HHIP: variants seen among roughly 807,000 people sequenced by gnomAD.
HHIP encodes hedgehog interacting protein, also known as hedgehog-interacting protein.
Under a neutral mutation model 74.0 loss-of-function variants are expected in HHIP, and 12 were observed. That is an observed-to-expected ratio of 0.16 (90% CI 0.10 to 0.26). The LOEUF is 0.26. HHIP is among the 10% of genes least tolerant of loss of function. The probability of loss-of-function intolerance (pLI) is 1.00; values close to 1 mark genes in which losing one functional copy is unlikely to be tolerated. For missense variants in HHIP, 788 were observed against 845.0 expected (o/e 0.93, Z 0.84); for synonymous variants, 309 against 311.6 (o/e 0.99, Z 0.09).
At chr4:144,730,744 G>C (rs551311143) in intron 11 of HHIP, among the ~76,000 whole-genome samples, 7 of 152,100 alleles carry the variant, frequency 4.6e-5, no homozygotes, top group African/African-American at 1.7e-4. Context: ...AAAGTTTAAA[G>C]GTACTGTTTA....
At chr4:144,732,669 G>A (rs768823491) in intron 11 of HHIP, among the ~76,000 whole-genome samples, 16 of 152,118 alleles carry the variant, frequency 1.1e-4, no homozygotes, top group Admixed American at 1.0e-3. Flanking sequence ...GTTTAACAAA[G>A]TTCATCTATA....
At position 144,741,737 on chromosome 4, in the gene HHIP, C is replaced by T. The variant is rs1731268011; in HGVS notation, c.*3780C>T. On this transcript the variant is annotated 3_prime_UTR_variant, in exon 13 of 13. Transcript: ENST00000296575. ...TGAGTTACAAACTATACAAGCTTAC[C>T]AGGTATAAGGTTAGATGCTACATCT... The T allele has an allele frequency of 6.6e-6, 1 of 151,972 alleles. No homozygotes were observed. The highest frequency in any genetic ancestry group is 6.6e-5 in the Admixed American group (1 of 15,230). The allele number at this position is 151,972 out of a possible 1,614,324, so 9.4% of individuals were successfully genotyped here. A position where few individuals can be genotyped will look rare whatever the true frequency, so the allele number is the denominator to read the frequency against.
rs768412482 is a variant in HHIP, at chr4:144,743,696, T to C, written c.*5739T>C. ...GAGTTATCTCAATTGACTATAATCT[T>C]CTAAGTCAAAAAGAAAACATTTAAG... On this transcript the variant is annotated 3_prime_UTR_variant, in exon 13 of 13. Transcript: ENST00000296575. The C allele has an allele frequency of 1.7e-4, 26 of 152,058 alleles. No individual in the cohort carries two copies. Among genetic ancestry groups the C allele is most frequent in the Admixed American group, 2.6e-4 (4 of 15,264 alleles). The allele number at this position is 152,058 out of a possible 1,614,324, so 9.4% of individuals were successfully genotyped here. A position where few individuals can be genotyped will look rare whatever the true frequency, so the allele number is the denominator to read the frequency against.
At chr4:144,709,361 A>G (rs1044603035) in intron 7 of HHIP, among the ~76,000 whole-genome samples, 3 of 152,110 alleles carry the variant, frequency 2.0e-5, no homozygotes, top group African/African-American at 2.4e-5. Flanking sequence ...CACAGATACC[A>G]CCACAAAGCA....
At chr4:144,713,771 T>C (rs976094776) in intron 8 of HHIP, among the ~76,000 whole-genome samples, 9 of 152,222 alleles carry the variant, frequency 5.9e-5, no homozygotes, top group African/African-American at 1.9e-4. Flanking sequence ...ACTATGTTTT[T>C]ATTTTCATTA....
In HHIP at chr4:144,657,685, AT is replaced by A. The variant is rs1202727378; in HGVS notation, c.473-1104del. 2.0e-5 allele frequency among the ~76,000 whole-genome samples: 3 copies of A among 152,316 alleles called. No individual in the cohort carries two copies. In the East Asian group the frequency reaches 5.8e-4, roughly 29 times the overall value. On this transcript the variant is annotated intron_variant, in intron 2 of 12. Coordinates refer to ENST00000296575, the MANE Select transcript of HHIP (RefSeq NM_022475.3). ...AAGATAGCTGTCTTTATATGATAAA[AT>A]ATTTAATGTGTAAGAAAAGAAAACA...
At chr4:144,705,344 T>C (rs1730104517) in intron 4 of HHIP, among the ~76,000 whole-genome samples, 1 of 152,230 alleles carries the variant, frequency 6.6e-6, no homozygotes, top group Admixed American at 6.5e-5. Flanking sequence ...TGACTGAACA[T>C]GACCTTGTGA....
At chr4:144,682,075 A>T (rs1729363137) in intron 4 of HHIP, among the ~76,000 whole-genome samples, 1 of 152,146 alleles carries the variant, frequency 6.6e-6, no homozygotes, top group African/African-American at 2.4e-5. Context: ...AACAAGCCTA[A>T]TGTTTTGCTG....
chr4:144,738,046 C>T lies in HHIP; in HGVS notation c.*89C>T, dbSNP rs62344037. On this transcript the variant is annotated 3_prime_UTR_variant, in exon 13 of 13. Coordinates refer to ENST00000296575, the MANE Select transcript of HHIP (RefSeq NM_022475.3). ...AAAAAGACTGTTATCCTGCTACACA[C>T]TCCTGTGATTTCATTCTCTTTTATT... 143,539 of 1,420,492 alleles carry T rather than the reference C, an allele frequency of 0.1. 8,312 individuals are homozygous for T. The highest frequency in any genetic ancestry group is 0.12 in the Non-Finnish European group (130,096 of 1,088,044). 88.0% of individuals were successfully genotyped at this position (1,420,492 alleles called of 1,614,324 possible).
At chr4:144,692,355 C>A (rs1729697911) in intron 4 of HHIP, among the ~76,000 whole-genome samples, 1 of 152,140 alleles carries the variant, frequency 6.6e-6, no homozygotes, top group Admixed American at 6.6e-5. Flanking sequence ...TCTCCACAAC[C>A]AGCAAGAATA....
intron 1 of HHIP, among the ~76,000 whole-genome samples, chr4:144,647,900 A>G (rs1728310554): frequency 6.6e-6 from 1 of 152,136 alleles, no homozygotes; most frequent in Non-Finnish European, 1.5e-5. Context: ...GGTTTAATTA[A>G]GAATTCCTCT....
chr4:144,721,273 C>T (rs1730625310), intron 11 of HHIP, among the ~76,000 whole-genome samples: 1 of 151,852 alleles, frequency 6.6e-6, no homozygotes, highest in African/African-American at 2.4e-5. Context: ...TCCTATTTTT[C>T]CCTACATGTG....
chr4:144,685,686 A>G (rs1020193400), intron 4 of HHIP: 1 of 152,196 alleles, frequency 6.6e-6, no homozygotes, highest in African/African-American at 2.4e-5. Flanking sequence ...AAAAAAAAAT[A>G]GAAGAAGGAA....
At chr4:144,700,868 T>C (rs1374699866) in intron 4 of HHIP, among the ~76,000 whole-genome samples, 1 of 152,142 alleles carries the variant, frequency 6.6e-6, no homozygotes, top group African/African-American at 2.4e-5. Context: ...CAATAGAAAA[T>C]GAATACAATC....
chr4:144,670,785 A>AAAAG (rs1560699860), intron 4 of HHIP, among the ~76,000 whole-genome samples: 13 of 138,974 alleles, frequency 9.4e-5, no homozygotes, highest in African/African-American at 2.1e-4. Flanking sequence ...AAAAAAAAAA[A>AAAAG]AAAGAAAGAA....
In HHIP at chr4:144,739,284, G is replaced by A. The variant is rs1357689475; in HGVS notation, c.*1327G>A. On this transcript the variant is annotated 3_prime_UTR_variant, in exon 13 of 13. Coordinates refer to ENST00000296575, the MANE Select transcript of HHIP (RefSeq NM_022475.3). ...ATGGTTTTCAAAGCCAGCTCTCCAC[G>A]TTTGGATTTTAACAAAATATAAGGC... is the stretch of plus-strand genomic sequence containing the variant. 6.6e-6 allele frequency: 1 copy of A among 152,114 alleles called. No individual in the cohort carries two copies. Among genetic ancestry groups the A allele is most frequent in the African/African-American group, 2.4e-5 (1 of 41,440 alleles). The allele number at this position is 152,114 out of a possible 1,614,324, so 9.4% of individuals were successfully genotyped here. A position where few individuals can be genotyped will look rare whatever the true frequency, so the allele number is the denominator to read the frequency against.
At chr4:144,714,990 C>T (rs79748666) in intron 9 of HHIP, 157 of 221,328 alleles carry the variant, frequency 7.1e-4, no homozygotes, top group African/African-American at 3.4e-3. Flanking sequence ...GTTCCTCTCT[C>T]TGATTAATAG....
At chr4:144,674,016 C>T (rs1729111108) in intron 4 of HHIP, among the ~76,000 whole-genome samples, 1 of 152,166 alleles carries the variant, frequency 6.6e-6, no homozygotes, top group Non-Finnish European at 1.5e-5. Context: ...ATCTTACTTG[C>T]ACATGTAAGG....
chr4:144,706,273 A>C (rs544332804), intron 4 of HHIP, among the ~76,000 whole-genome samples: 5 of 152,270 alleles, frequency 3.3e-5, no homozygotes, highest in Admixed American at 6.5e-5. Flanking sequence ...TACATACACA[A>C]ATCACTTGAC....
Sources: gnomAD v4.1 joint callset for allele counts (sites outside exome capture counted in the v4.1 genomes callset) on GRCh38, gnomAD v4.1.1 for gene constraint, MANE v1.5 for transcripts, NCBI Gene and HGNC (gene_info 2026-07-23, HGNC 2026-07-21) for gene names.